Variants in ZNF407 observed in about 807,000 individuals in gnomAD.
ZNF407 encodes zinc finger protein 407.
In ZNF407, 17 loss-of-function variants were observed where a neutral mutation model predicts 131.2. The observed-to-expected ratio is 0.13, with a 90% CI of 0.09 to 0.19. The LOEUF (loss-of-function observed/expected upper bound fraction) is 0.19. Among genes scored for constraint, ZNF407 ranks in the 10% least tolerant of loss-of-function variants. ZNF407 has a pLI of 1.00. For synonymous variants in ZNF407, 1,156 were observed against 1,062.0 expected (o/e 1.09, Z -1.72); for missense variants, 2,681 against 2,830.6 (o/e 0.95, Z 1.20).
intron 3 of ZNF407, among the ~76,000 whole-genome samples, chr18:74,701,672 T>C (rs1372080696): frequency 6.6e-6 from 1 of 152,210 alleles, no homozygotes; most frequent in African/African-American, 2.4e-5. Flanking sequence ...TTCCACATGA[T>C]GGTTTTTGAA....
At chr18:74,716,561 C>T (rs1420943038) in intron 3 of ZNF407, among the ~76,000 whole-genome samples, 4 of 152,054 alleles carry the variant, frequency 2.6e-5, no homozygotes, top group African/African-American at 4.8e-5. Context: ...TTAACTTATC[C>T]GTGGAGTTTT....
chr18:75,053,398 A>AG, intron 8 of ZNF407, among the ~76,000 whole-genome samples: 1 of 152,322 alleles, frequency 6.6e-6, no homozygotes. Context: ...AGGTGTGTGG[A>AG]GGGAAACCAC....
intron 3 of ZNF407, among the ~76,000 whole-genome samples, chr18:74,667,400 A>G (rs776234424): frequency 1.3e-5 from 2 of 152,230 alleles, no homozygotes; most frequent in Non-Finnish European, 2.9e-5. Context: ...CAAAATGAAA[A>G]TCATAGTCAC....
chr18:74,785,072 A>G (rs1372022830), intron 4 of ZNF407, among the ~76,000 whole-genome samples: 1 of 152,224 alleles, frequency 6.6e-6, no homozygotes, highest in Admixed American at 6.5e-5. Context: ...TCAGAAAACT[A>G]CCAAAGAAGA....
chr18:74,750,114 T>C (rs1434179412), intron 3 of ZNF407, among the ~76,000 whole-genome samples: 1 of 152,168 alleles, frequency 6.6e-6, no homozygotes, highest in Non-Finnish European at 1.5e-5. Flanking sequence ...CTCACACTTT[T>C]CTTCTCTTCC....
intron 8 of ZNF407, among the ~76,000 whole-genome samples, chr18:75,011,401 A>G (rs1156609315): frequency 1.3e-5 from 2 of 152,184 alleles, no homozygotes; most frequent in African/African-American, 4.8e-5. Flanking sequence ...TTTCATCTGA[A>G]TAACTGTATA....
At chr18:74,734,334 T>C (rs1968361508) in intron 3 of ZNF407, among the ~76,000 whole-genome samples, 1 of 152,220 alleles carries the variant, frequency 6.6e-6, no homozygotes, top group Admixed American at 6.5e-5. Flanking sequence ...AGGTAGACCT[T>C]GTACCTCAAT....
At chr18:74,953,275 C>T (rs1025164241) in intron 8 of ZNF407, among the ~76,000 whole-genome samples, 2 of 152,170 alleles carry the variant, frequency 1.3e-5, no homozygotes, top group African/African-American at 4.8e-5. Flanking sequence ...CTATCTGACT[C>T]CTCAGCCTGT....
chr18:74,873,066 A>C (rs1442826679), intron 4 of ZNF407, among the ~76,000 whole-genome samples: 3 of 152,152 alleles, frequency 2.0e-5, no homozygotes, highest in African/African-American at 7.2e-5. Context: ...ATATTTTGAC[A>C]TAACTTGTCT....
At chr18:74,842,005 A>G (rs1314693953) in intron 4 of ZNF407, among the ~76,000 whole-genome samples, 1 of 152,230 alleles carries the variant, frequency 6.6e-6, no homozygotes, top group African/African-American at 2.4e-5. Flanking sequence ...GGTGAGATTC[A>G]TAGTCCTTAT....
chr18:74,656,133 T>G (rs572337857), intron 3 of ZNF407, among the ~76,000 whole-genome samples: 2 of 152,264 alleles, frequency 1.3e-5, no homozygotes, highest in East Asian at 3.9e-4. Flanking sequence ...GGGCCACAAT[T>G]GTAACTAATT....
At chr18:74,844,050 T>C (rs1207599656) in intron 4 of ZNF407, among the ~76,000 whole-genome samples, 1 of 152,140 alleles carries the variant, frequency 6.6e-6, no homozygotes, top group Non-Finnish European at 1.5e-5. Flanking sequence ...AATTAGGCTG[T>C]AAATACTCTC....
At chr18:74,601,014 G>T (rs962823806) in intron 1 of ZNF407, among the ~76,000 whole-genome samples, 10 of 152,168 alleles carry the variant, frequency 6.6e-5, no homozygotes, top group Non-Finnish European at 5.9e-5. Flanking sequence ...CTAGGATAGT[G>T]GCCCAGAGGT....
At chr18:74,951,223 G>C (rs2145279552) in intron 8 of ZNF407, among the ~76,000 whole-genome samples, 1 of 152,194 alleles carries the variant, frequency 6.6e-6, no homozygotes, top group East Asian at 1.9e-4. Context: ...ATAGACGTAA[G>C]CAGAACATGT....
rs962623170 is a variant in ZNF407 at position 74,767,685 on chromosome 18, G to A, written c.4803-13743G>A. On this transcript the variant is annotated intron_variant, in intron 3 of 8. Coordinates refer to ENST00000299687, the MANE Select transcript of ZNF407 (RefSeq NM_017757.3). The stretch of plus-strand genomic sequence containing the variant: ...TTTTTTTTTTTTGAGATGGAGTCTC[G>A]CTCTGTTGCCCAGGCTGGAATGCAG... Among the ~76,000 whole-genome samples the A allele has an allele frequency of 1.0e-4, 13 of 124,248 alleles. 1 individual carries two copies. In the East Asian group the frequency reaches 2.5e-3, roughly 24 times the overall value. The allele number at this position is 124,248 out of a possible 152,430, so 81.5% of individuals were successfully genotyped here.
Position 74,633,182 on chromosome 18 carries a change from G to T in ZNF407, c.2163G>T (p.Thr721=). ...AAACAAGATCTTCTACTGTTCTCAC[G>T]AGACATATAAAGCTTCGGCATGGTC... ...FYKTRSSTVL[T]RHIKLRHGQD... Residue 721 remains threonine (T), a synonymous_variant, in exon 2 of 9, where the codon ACG becomes ACT. Transcript: ENST00000299687. 1 of 1,613,588 alleles carries T rather than the reference G, an allele frequency of 6.2e-7. No homozygotes were observed. The highest frequency in any genetic ancestry group is 1.1e-5 in the South Asian group (1 of 90,986).
intron 6 of ZNF407, among the ~76,000 whole-genome samples, chr18:74,883,410 T>C (rs913639537): frequency 2.0e-5 from 3 of 152,210 alleles, no homozygotes; most frequent in African/African-American, 7.2e-5. Flanking sequence ...CTCTTTGACA[T>C]GGTTTACCTT....
chr18:74,787,955 C>G (rs1361219944), intron 4 of ZNF407, among the ~76,000 whole-genome samples: 1 of 152,152 alleles, frequency 6.6e-6, no homozygotes, highest in East Asian at 1.9e-4. Flanking sequence ...AATTATTTCT[C>G]TCTGGTCTTT....
intron 4 of ZNF407, among the ~76,000 whole-genome samples, chr18:74,871,815 A>C (rs970210673): frequency 4.6e-5 from 7 of 152,118 alleles, no homozygotes; most frequent in African/African-American, 1.7e-4. Context: ...AAAAATAAAC[A>C]CTTTGGAAGA....
Sources: allele counts gnomAD v4.1 joint callset (sites outside exome capture counted in the v4.1 genomes callset), GRCh38; gene constraint gnomAD v4.1.1; transcripts MANE v1.5; gene names NCBI Gene and HGNC (gene_info 2026-07-23, HGNC 2026-07-21).